HIVEP3: variants seen among roughly 807,000 people sequenced by gnomAD.
HIVEP3 encodes transcription factor HIVEP3.
In HIVEP3, 49 loss-of-function variants were observed where a neutral mutation model predicts 152.8. The observed-to-expected ratio is 0.32, with a 90% CI of 0.26 to 0.41. The LOEUF (loss-of-function observed/expected upper bound fraction) is 0.41, where lower values mean the gene tolerates loss of function less well. Among genes scored for constraint, HIVEP3 ranks in the 10% least tolerant of loss-of-function variants. The pLI is 1.00. For missense variants in HIVEP3, 2,790 were observed against 3,103.3 expected (o/e 0.90, Z 2.40); for synonymous variants, 1,269 against 1,289.0 (o/e 0.98, Z 0.33).
At chr1:41,787,417 G>A (rs866597251) in intron 1 of HIVEP3, among the ~76,000 whole-genome samples, 3 of 152,094 alleles carry the variant, frequency 2.0e-5, no homozygotes, top group Non-Finnish European at 2.9e-5. Context: ...GGACAATGCC[G>A]ATCTGGGCAT....
intron 2 of HIVEP3, among the ~76,000 whole-genome samples, chr1:41,665,989 G>A (rs1012621308): frequency 3.3e-5 from 5 of 152,202 alleles, no homozygotes; most frequent in African/African-American, 1.2e-4. Flanking sequence ...ACCAGGCCCT[G>A]TGGGCCTTCT....
chr1:41,992,209 G>A (rs1645366243), intron 1 of HIVEP3, among the ~76,000 whole-genome samples: 1 of 151,700 alleles, frequency 6.6e-6, no homozygotes, highest in South Asian at 2.1e-4. Context: ...AAGTCAAATT[G>A]TCCCTCTTTG....
chr1:41,551,936 T>C (rs1437323545), intron 5 of HIVEP3, among the ~76,000 whole-genome samples: 2 of 152,212 alleles, frequency 1.3e-5, no homozygotes, highest in African/African-American at 2.4e-5. Flanking sequence ...TTTGAATTTG[T>C]TTGCTCTTGC....
At chr1:41,863,593 T>C (rs932496213) in intron 1 of HIVEP3, among the ~76,000 whole-genome samples, 1 of 152,228 alleles carries the variant, frequency 6.6e-6, no homozygotes, top group African/African-American at 2.4e-5. Flanking sequence ...TACTTTTGCA[T>C]TTGTAGCCAA....
chr1:41,643,876 T>G, intron 2 of HIVEP3, among the ~76,000 whole-genome samples: 1 of 112,276 alleles, frequency 8.9e-6, no homozygotes, highest in Non-Finnish European at 1.7e-5. Context: ...AAATTGTGTC[T>G]GCCTTCCCAT....
chr1:41,765,024 A>G (rs871344), intron 1 of HIVEP3, among the ~76,000 whole-genome samples: 74,480 of 151,940 alleles, frequency 0.49, 20,383 homozygotes, highest in Non-Finnish European at 0.63. Context: ...ACCCTTTACC[A>G]AGCAAGCCAA....
chr1:41,736,062 A>G (rs1157179798), intron 1 of HIVEP3, among the ~76,000 whole-genome samples: 1 of 152,154 alleles, frequency 6.6e-6, no homozygotes, highest in Non-Finnish European at 1.5e-5. Flanking sequence ...TCCATGCTCA[A>G]TGAGGCAGCA....
upstream of HIVEP3, among the ~76,000 whole-genome samples, chr1:41,921,683 A>G (rs2124475371): frequency 6.8e-6 from 1 of 147,878 alleles, no homozygotes; most frequent in East Asian, 2.0e-4. Flanking sequence ...AAAATCCCAA[A>G]CTCAGAGAAT....
intron 1 of HIVEP3, among the ~76,000 whole-genome samples, chr1:42,035,369 C>G (rs929839793): frequency 6.6e-6 from 1 of 152,226 alleles, no homozygotes; most frequent in Non-Finnish European, 1.5e-5. Flanking sequence ...CAAGGCGCAT[C>G]CTCGCCGCTC....
chr1:42,032,773 C>A (rs563936844), intron 1 of HIVEP3, among the ~76,000 whole-genome samples: 1 of 152,256 alleles, frequency 6.6e-6, no homozygotes, highest in South Asian at 2.1e-4. Flanking sequence ...CCATTTCATG[C>A]CACTGCTGGT....
At chr1:41,859,488 C>T (rs899774901) in intron 1 of HIVEP3, among the ~76,000 whole-genome samples, 3 of 152,186 alleles carry the variant, frequency 2.0e-5, no homozygotes, top group Non-Finnish European at 2.9e-5. Context: ...ATGTCTGTTA[C>T]AAGAGGCAGG....
intron 1 of HIVEP3, among the ~76,000 whole-genome samples, chr1:41,779,306 C>G (rs556760289): frequency 6.6e-6 from 1 of 152,180 alleles, no homozygotes; most frequent in South Asian, 2.1e-4. Context: ...CTCTGCCATT[C>G]CCTACTTGGG....
At chr1:41,844,765 T>C (rs1451058500) in intron 1 of HIVEP3, among the ~76,000 whole-genome samples, 1 of 152,196 alleles carries the variant, frequency 6.6e-6, no homozygotes. Context: ...ATCCAAAGCA[T>C]AGAATTATCT....
chr1:41,836,496 C>T (rs1462772067), intron 1 of HIVEP3, among the ~76,000 whole-genome samples: 1 of 152,232 alleles, frequency 6.6e-6, no homozygotes, highest in Non-Finnish European at 1.5e-5. Flanking sequence ...AGAACGTCCT[C>T]ATCTCCTTGA....
chr1:41,573,566 A>G (rs577747540), intron 5 of HIVEP3, among the ~76,000 whole-genome samples: 1 of 152,348 alleles, frequency 6.6e-6, no homozygotes, highest in South Asian at 2.1e-4. Flanking sequence ...GACAGAACAG[A>G]TGGGACTGTC....
At position 41,715,539 on chromosome 1, in the gene HIVEP3, G is replaced by A. The variant is rs1390008808; in HGVS notation, c.-800-14544C>T. On this transcript the variant is annotated intron_variant, in intron 1 of 8. Transcript: ENST00000372583. The stretch of plus-strand genomic sequence containing the variant: ...ATGGGAACCATGGGAAGAACTGGGT[G>A]GCAAAAAGACAAAATCCCCAAGGCA... Among the ~76,000 whole-genome samples the A allele has an allele frequency of 2.0e-5, 3 of 152,152 alleles. 1 individual carries two copies. The highest frequency in any genetic ancestry group is 7.2e-5 in the African/African-American group (3 of 41,446).
intron 5 of HIVEP3, among the ~76,000 whole-genome samples, chr1:41,564,589 G>A (rs142463620): frequency 6.6e-6 from 1 of 152,310 alleles, no homozygotes; most frequent in East Asian, 1.9e-4. Context: ...GAGCTTTTAA[G>A]AGCAACCCAG....
intron 1 of HIVEP3, among the ~76,000 whole-genome samples, chr1:41,711,586 C>A (rs1313367662): frequency 1.3e-5 from 2 of 152,326 alleles, no homozygotes; most frequent in South Asian, 4.1e-4. Flanking sequence ...GGGTTGATAA[C>A]ACCGATCCTG....
intron 1 of HIVEP3, among the ~76,000 whole-genome samples, chr1:41,732,494 G>A (rs956577304): frequency 2.6e-5 from 4 of 152,132 alleles, no homozygotes; most frequent in African/African-American, 7.2e-5. Flanking sequence ...AGGTGGCCAA[G>A]GAAAGGCCAC....
Sources: gnomAD v4.1 joint callset for allele counts (sites outside exome capture counted in the v4.1 genomes callset) on GRCh38, gnomAD v4.1.1 for gene constraint, MANE v1.5 for transcripts, NCBI Gene and HGNC (gene_info 2026-07-23, HGNC 2026-07-21) for gene names.